Variants in MAPRE2 observed in about 807,000 individuals in gnomAD.
MAPRE2 encodes microtubule associated protein RP/EB family member 2, also known as microtubule-associated protein RP/EB family member 2.
MAPRE2 carries 13 observed loss-of-function variants against 43.2 expected under a neutral mutation model. The observed-to-expected ratio is 0.30, with a 90% CI of 0.20 to 0.48. MAPRE2 has a LOEUF of 0.48. MAPRE2 is among the 20% of genes least tolerant of loss of function. The pLI is 0.99. For missense variants in MAPRE2, 161 were observed against 400.2 expected, an observed-to-expected ratio of 0.40 and a Z score of 5.10; for synonymous variants, 135 against 148.8, an observed-to-expected ratio of 0.91 and a Z score of 0.68.
intron 2 of MAPRE2, among the ~76,000 whole-genome samples, chr18:35,076,620 A>C (rs1250584982): frequency 6.6e-6 from 1 of 152,216 alleles, no homozygotes; most frequent in Non-Finnish European, 1.5e-5. Flanking sequence ...TCTAGTCAGT[A>C]AAATGCATGT....
intron 4 of MAPRE2, among the ~76,000 whole-genome samples, chr18:35,102,626 G>T (rs760668656): frequency 6.6e-6 from 1 of 152,126 alleles, no homozygotes; most frequent in Non-Finnish European, 1.5e-5. Flanking sequence ...GTAGGCAGTG[G>T]CAATTTTTAT....
chr18:35,007,875 C>G lies in MAPRE2; in HGVS notation c.-8+2322C>G, dbSNP rs547212272. 3.3e-5 allele frequency among the ~76,000 whole-genome samples: 5 copies of G among 152,180 alleles called. No individual in the cohort carries two copies. The South Asian group carries it at 1.0e-3, about 32-fold the overall frequency. ...ACTTCCATATCCGTGGATTCCAGAT[C>G]CGCAACCAAAAGTAAACTGAAAATA... On this transcript the variant is annotated intron_variant, in intron 2 of 7. Transcript: ENST00000413393.
At chr18:35,004,068 G>A (rs1035116287) in intron 1 of MAPRE2, among the ~76,000 whole-genome samples, 1 of 152,094 alleles carries the variant, frequency 6.6e-6, no homozygotes, top group Non-Finnish European at 1.5e-5. Context: ...CCTTCACTGA[G>A]TAGTATAACA....
Position 34,982,897 on chromosome 18 carries a change from C to G in MAPRE2, c.-70+5818C>G, listed in dbSNP as rs117170418. 8.8e-3 allele frequency among the ~76,000 whole-genome samples: 1,343 copies of G among 152,126 alleles called. 9 individuals are homozygous for G. The highest frequency in any genetic ancestry group is 0.015 in the Non-Finnish European group (1,006 of 68,006). On this transcript the variant is annotated intron_variant, in intron 1 of 7. Coordinates refer to the MAPRE2 transcript ENST00000413393. ...GGAAAAATATCCAAAGAAGAAAATA[C>G]TAGAGGACACTTGAAAATTACATGA...
rs1234563061 is a variant in MAPRE2, at chr18:35,020,601, A to ATTAT, written c.-8+15050_-8+15053dup. Among the ~76,000 whole-genome samples, 6 of 151,974 alleles carry ATTAT rather than the reference A, an allele frequency of 3.9e-5. No individual in the cohort carries two copies. In the East Asian group the frequency reaches 1.2e-3, roughly 29 times the overall value. On this transcript the variant is annotated intron_variant, in intron 2 of 7. Coordinates refer to the MAPRE2 transcript ENST00000413393. ...GTGCTTAGAACATTTGTATACTGAT[A>ATTAT]TTATTGCCTCTGACCAGAAGCAACC...
At chr18:35,040,232 C>T (rs1231704607), upstream of MAPRE2, among the ~76,000 whole-genome samples, 1 of 152,140 alleles carries the variant, frequency 6.6e-6, no homozygotes, top group Non-Finnish European at 1.5e-5. Flanking sequence ...AAAAATCTCT[C>T]CTCTCTGGAG....
At chr18:35,117,703 G>C (rs756634381) in intron 4 of MAPRE2, among the ~76,000 whole-genome samples, 2 of 151,988 alleles carry the variant, frequency 1.3e-5, no homozygotes, top group Non-Finnish European at 2.9e-5. Context: ...GTTTTCACTG[G>C]GGTGAGTGAG....
At chr18:34,981,803 C>G (rs942054053) in intron 1 of MAPRE2, among the ~76,000 whole-genome samples, 3 of 152,082 alleles carry the variant, frequency 2.0e-5, no homozygotes, top group African/African-American at 7.2e-5. Flanking sequence ...TTTGAATTAA[C>G]TCCTTTCTCC....
intron 4 of MAPRE2, among the ~76,000 whole-genome samples, chr18:35,125,669 T>A (rs1410214891): frequency 6.6e-6 from 1 of 152,250 alleles, no homozygotes; most frequent in Non-Finnish European, 1.5e-5. Flanking sequence ...AGTAGTGGCT[T>A]GGAATTTCAT....
chr18:34,978,196 T>G, intron 1 of MAPRE2: 1 of 424,348 alleles, frequency 2.4e-6, no homozygotes. Flanking sequence ...TCTCTATCAC[T>G]TGTTCACATC....
chr18:35,023,948 GTAA>G (rs1422956283), intron 2 of MAPRE2, among the ~76,000 whole-genome samples: 1 of 152,052 alleles, frequency 6.6e-6, no homozygotes, highest in East Asian at 1.9e-4. Flanking sequence ...AGTATGTACC[GTAA>G]TAAGAATATG....
chr18:35,063,283 A>AT, intron 1 of MAPRE2, among the ~76,000 whole-genome samples: 1 of 150,990 alleles, frequency 6.6e-6, no homozygotes, highest in Middle Eastern at 3.4e-3. Flanking sequence ...TTTTTTTTGT[A>AT]TTTTTAGTAG....
chr18:35,111,083 G>C (rs2144201390), intron 4 of MAPRE2, among the ~76,000 whole-genome samples: 1 of 152,080 alleles, frequency 6.6e-6, no homozygotes, highest in South Asian at 2.1e-4. Flanking sequence ...ATATGTTAGA[G>C]CTTCTGAAAT....
chr18:34,985,733 AAATATAT>A (rs2097020608), intron 1 of MAPRE2, among the ~76,000 whole-genome samples: 2 of 129,758 alleles, frequency 1.5e-5, no homozygotes, highest in Admixed American at 1.9e-4. Context: ...TGTAATATAT[AAATATAT>A]ATTATATATG....
chr18:34,996,808 A>G (rs747174405), intron 1 of MAPRE2, among the ~76,000 whole-genome samples: 1 of 152,256 alleles, frequency 6.6e-6, no homozygotes, highest in Non-Finnish European at 1.5e-5. Context: ...TGCTTCAAAT[A>G]TATGAAATTG....
At chr18:35,059,439 T>G (rs1274258471) in intron 1 of MAPRE2, among the ~76,000 whole-genome samples, 1 of 152,250 alleles carries the variant, frequency 6.6e-6, no homozygotes, top group Non-Finnish European at 1.5e-5. Flanking sequence ...TTGTATGATT[T>G]GGCACACCTT....
intron 1 of MAPRE2, among the ~76,000 whole-genome samples, chr18:34,977,635 G>A (rs1004564176): frequency 6.6e-6 from 1 of 152,176 alleles, no homozygotes; most frequent in Non-Finnish European, 1.5e-5. Context: ...CTTCCCCTTC[G>A]GCAGCCACCA....
chr18:35,100,293 G>A (rs998207416), intron 3 of MAPRE2, among the ~76,000 whole-genome samples: 2 of 152,174 alleles, frequency 1.3e-5, no homozygotes, highest in Non-Finnish European at 2.9e-5. Context: ...CAGTGAGAAT[G>A]GCTATTACTA....
At chr18:35,044,463 C>T (rs1347441655) in intron 1 of MAPRE2, among the ~76,000 whole-genome samples, 1 of 152,196 alleles carries the variant, frequency 6.6e-6, no homozygotes, top group African/African-American at 2.4e-5. Flanking sequence ...CTCCTGGCCT[C>T]AAGTGATCCA....
Sources: gnomAD v4.1 joint callset for allele counts (sites outside exome capture counted in the v4.1 genomes callset) on GRCh38, gnomAD v4.1.1 for gene constraint, MANE v1.5 for transcripts, NCBI Gene and HGNC (gene_info 2026-07-23, HGNC 2026-07-21) for gene names.